Variants in DMXL2 observed in about 807,000 individuals in gnomAD.
DMXL2 encodes Dmx like 2, also known as dmX-like protein 2.
In DMXL2, 103 loss-of-function variants were observed where a neutral mutation model predicts 331.1. The observed-to-expected ratio is 0.31, with a 90% CI of 0.27 to 0.37. The LOEUF (loss-of-function observed/expected upper bound fraction) is 0.37, where lower values mean the gene tolerates loss of function less well. Among genes scored for constraint, DMXL2 ranks in the 10% least tolerant of loss-of-function variants. The probability of loss-of-function intolerance (pLI) is 1.00; values close to 1 mark genes in which losing one functional copy is unlikely to be tolerated. For missense variants in DMXL2, 3,171 were observed against 3,642.9 expected (o/e 0.87, Z 3.33); for synonymous variants, 1,281 against 1,252.1 (o/e 1.02, Z -0.49).
chr15:51,505,639 T>C (rs1455878121), intron 16 of DMXL2, among the ~76,000 whole-genome samples: 1 of 152,218 alleles, frequency 6.6e-6, no homozygotes, highest in Non-Finnish European at 1.5e-5. Context: ...TCAAGAAGAT[T>C]AGGCTCAACT....
At chr15:51,580,059 A>G (rs982070565) in intron 1 of DMXL2, among the ~76,000 whole-genome samples, 8 of 152,176 alleles carry the variant, frequency 5.3e-5, no homozygotes, top group African/African-American at 1.9e-4. Flanking sequence ...TTGGTGCTAG[A>G]AGGAGTGTGT....
rs948433385 is a variant in DMXL2 at position 51,572,780 on chromosome 15, G to A, written c.213+3276C>T. Among the ~76,000 whole-genome samples, 10 of 152,082 alleles carry A rather than the reference G, an allele frequency of 6.6e-5. 1 individual carries two copies. In the South Asian group the frequency reaches 8.3e-4, roughly 13 times the overall value. ...TCAATAAACTAGGTAATGATGGAACGTATCTCAAAATAATAAGAGCTATTT... is the reference window on the plus strand; with the variant it reads ...TCAATAAACTAGGTAATGATGGAACATATCTCAAAATAATAAGAGCTATTT... On this transcript the variant is annotated intron_variant, in intron 2 of 43. Transcript: ENST00000560891.
intron 2 of DMXL2, among the ~76,000 whole-genome samples, chr15:51,569,694 G>T (rs1247354041): frequency 6.6e-6 from 1 of 152,204 alleles, no homozygotes; most frequent in African/African-American, 2.4e-5. Flanking sequence ...AACAGGGTCT[G>T]GAGTGGACCT....
At chr15:51,513,071 G>A (rs1247419672) in intron 15 of DMXL2, among the ~76,000 whole-genome samples, 3 of 152,010 alleles carry the variant, frequency 2.0e-5, no homozygotes, top group African/African-American at 7.2e-5. Context: ...TATAAAATCA[G>A]GAAGAAAGAG....
intron 29 of DMXL2, among the ~76,000 whole-genome samples, chr15:51,467,812 C>T (rs567656313): frequency 8.6e-5 from 13 of 151,962 alleles, no homozygotes; most frequent in Non-Finnish European, 1.3e-4. Flanking sequence ...CTGCAAGCTC[C>T]GCCTCCCGGG....
In DMXL2 at chr15:51,455,188, T is replaced by G. The variant is rs752001129; in HGVS notation, c.8567A>C (p.Gln2856Pro). The G allele has an allele frequency of 1.2e-6, 2 of 1,614,118 alleles. No individual in the cohort carries two copies. The highest frequency in any genetic ancestry group is 8.5e-7 in the Non-Finnish European group (1 of 1,180,000). ...ADGEGFLSIW[Q>P]VNQTASNPKP... ...AGGATTTGATGCAGTTTGGTTAACT[T>G]GCCAGATACTCAGAAAACCCTCTCC... Residue 2856 changes from glutamine to proline, a missense_variant, in exon 40 of 44, where the codon CAA becomes CCA. By Grantham distance (76) the Gln-to-Pro change is moderately conservative (BLOSUM62 -1). Around this residue, in one of 7 missense-constraint regions of DMXL2, gnomAD observed 766 missense variants for 940.5 expected, o/e 0.81. Transcript: ENST00000560891.
chr15:51,532,474 C>T (rs2048058122), intron 13 of DMXL2, among the ~76,000 whole-genome samples: 1 of 152,078 alleles, frequency 6.6e-6, no homozygotes, highest in African/African-American at 2.4e-5. Context: ...GATAGCACAA[C>T]AGGGTGACTA....
intron 1 of DMXL2, among the ~76,000 whole-genome samples, chr15:51,600,780 G>C (rs746382815): frequency 6.6e-6 from 1 of 152,064 alleles, no homozygotes; most frequent in Non-Finnish European, 1.5e-5. Flanking sequence ...CCTGTGAGAA[G>C]AACACCTGGC....
intron 13 of DMXL2, among the ~76,000 whole-genome samples, chr15:51,518,554 G>A (rs1032215289): frequency 6.6e-6 from 1 of 152,142 alleles, no homozygotes; most frequent in African/African-American, 2.4e-5. Flanking sequence ...ATTTTAATGA[G>A]ACTTCCATAG....
intron 9 of DMXL2, among the ~76,000 whole-genome samples, chr15:51,540,678 A>G (rs2048544899): frequency 6.6e-6 from 1 of 152,222 alleles, no homozygotes; most frequent in Admixed American, 6.5e-5. Context: ...CTAACAATAT[A>G]AAATTATTTG....
chr15:51,535,785 C>A lies in DMXL2; in HGVS notation c.2315-1G>T. 1 of 1,595,906 alleles carries A rather than the reference C, an allele frequency of 6.3e-7. No homozygotes were observed. Reference sequence around the variant, plus strand: ...GCACTTGCAGAATTGCAGTATGTGCCTGAGAAAGGAAAACAAGGCCTCTGG... The same window carrying A: ...GCACTTGCAGAATTGCAGTATGTGCATGAGAAAGGAAAACAAGGCCTCTGG... On this transcript the variant is annotated splice_acceptor_variant, in intron 12 of 43. Coordinates refer to ENST00000560891, the MANE Select transcript of DMXL2 (RefSeq NM_001378457.1). LOFTEE classifies it high-confidence loss of function.
Position 51,478,339 on chromosome 15 carries a change from T to C in DMXL2, c.6765A>G (p.Thr2255=). ...AAAGTGATGCTGCTAGTGAATGAAG[T>C]GTGTGCACCTAAAACCAAAACAGTC... The part of the protein sequence containing the change: ...HPSIEDVKVH[T]LHSLAASLSA... The change falls in exon 26 of 44, where the codon ACA becomes ACG. Residue 2255 remains threonine (T), a synonymous_variant. Coordinates refer to ENST00000560891, the MANE Select transcript of DMXL2 (RefSeq NM_001378457.1). 6.2e-7 allele frequency: 1 copy of C among 1,613,170 alleles called. No homozygotes were observed. The highest frequency in any genetic ancestry group is 1.7e-4 in the Middle Eastern group (1 of 6,034).
intron 13 of DMXL2, among the ~76,000 whole-genome samples, chr15:51,528,730 A>G (rs1475545992): frequency 6.6e-6 from 1 of 151,856 alleles, no homozygotes; most frequent in African/African-American, 2.4e-5. Context: ...AAATCAACAA[A>G]GAAACATCAG....
In DMXL2 at chr15:51,612,901, C is replaced by T. The variant is rs530586539; in HGVS notation, c.87+9558G>A. ...TAAAAGACAGCCAGCCCCAAAGCAG[C>T]CATTTTAGAGGCCTCCCCTTAGGGA... On this transcript the variant is annotated intron_variant, in intron 1 of 43. Coordinates refer to ENST00000560891, the MANE Select transcript of DMXL2 (RefSeq NM_001378457.1). Among the ~76,000 whole-genome samples, 29 of 152,274 alleles carry T rather than the reference C, an allele frequency of 1.9e-4. No individual in the cohort carries two copies. In the South Asian group the frequency reaches 4.1e-3, roughly 22 times the overall value.
chr15:51,476,699 T>C lies in DMXL2; in HGVS notation c.6854A>G (p.Gln2285Arg), dbSNP rs1330646027. 6.2e-7 allele frequency: 1 copy of C among 1,603,548 alleles called. No homozygotes were observed. The highest frequency in any genetic ancestry group is 8.5e-7 in the Non-Finnish European group (1 of 1,177,248). Residue 2285 changes from glutamine (Q) to arginine (R), a missense_variant, in exon 27 of 44, where the codon CAG (glutamine) becomes CGG (arginine). By Grantham distance (43) the Gln-to-Arg change is conservative. This residue lies in a region of DMXL2 where 766 missense variants were observed against 940.5 expected (regional missense o/e 0.81). Coordinates refer to ENST00000560891, the MANE Select transcript of DMXL2 (RefSeq NM_001378457.1). ...TCCTTGATAAGCCATTCCTGTAAAC[T>C]GATTTCCTTCTGTTTGACTGCTAAA... ...HSYSSQTEGN[Q>R]FTGMAYQGLL...
chr15:51,600,268 C>T (rs1309105925), intron 1 of DMXL2, among the ~76,000 whole-genome samples: 3 of 152,190 alleles, frequency 2.0e-5, no homozygotes. Context: ...CAACCACCTC[C>T]TGGTTATCAC....
intron 1 of DMXL2, among the ~76,000 whole-genome samples, chr15:51,586,597 GC>G (rs541519833): frequency 6.6e-6 from 1 of 151,240 alleles, no homozygotes; most frequent in South Asian, 2.1e-4. Context: ...AAAAAAACTA[GC>G]CAATTTTGAT....
At chr15:51,545,815 T>C in intron 7 of DMXL2, 49 bp from the exon 8 acceptor site, 1 of 1,501,702 alleles carries the variant, frequency 6.7e-7, no homozygotes. Context: ...ATCAATCCCA[T>C]TAACTAATTA....
chr15:51,524,921 A>G (rs567975627), intron 13 of DMXL2, among the ~76,000 whole-genome samples: 111 of 152,068 alleles, frequency 7.3e-4, no homozygotes, highest in African/African-American at 2.6e-3. Flanking sequence ...CGGGATGGCT[A>G]AAAAAGTGCT....
Sources: allele counts gnomAD v4.1 joint callset (sites outside exome capture counted in the v4.1 genomes callset), GRCh38; gene constraint gnomAD v4.1.1; regional missense constraint gnomAD v4.1.1; transcripts MANE v1.5; gene names NCBI Gene and HGNC (gene_info 2026-07-23, HGNC 2026-07-21).